The following COL23A1 variants were observed in gnomAD, a reference collection of about 807,000 sequenced individuals.
COL23A1 encodes collagen type XXIII alpha 1 chain.
COL23A1 carries 97 observed loss-of-function variants against 99.3 expected under a neutral mutation model. That is an observed-to-expected ratio of 0.98 (90% confidence interval 0.83 to 1.16). The LOEUF is 1.16. COL23A1 is among the 50% of genes most tolerant of loss of function. The pLI is 0.00. For missense variants in COL23A1, 762 were observed against 757.4 expected (o/e 1.01, Z -0.07); for synonymous variants, 320 against 308.2 (o/e 1.04, Z -0.40).
intron 24 of COL23A1, 77 bp from the exon 25 acceptor site, chr5:178,246,045 G>T (rs1474254412): frequency 1.3e-6 from 2 of 1,546,192 alleles, no homozygotes; most frequent in Non-Finnish European, 1.8e-6. Context: ...GTCCAGCCCT[G>T]TGGGTTGGCC....
At chr5:178,388,932 T>C (rs561110391) in intron 2 of COL23A1, among the ~76,000 whole-genome samples, 10 of 152,318 alleles carry the variant, frequency 6.6e-5, no homozygotes, top group Admixed American at 6.5e-4. Flanking sequence ...TACGATAAGA[T>C]TTCCCAAACT....
intron 5 of COL23A1, among the ~76,000 whole-genome samples, chr5:178,274,582 G>A (rs1247338671): frequency 1.3e-5 from 2 of 151,820 alleles, no homozygotes; most frequent in Non-Finnish European, 2.9e-5. Context: ...GGGTGTGGGG[G>A]GGGTCTCCCC....
chr5:178,318,926 C>A (rs1378009651), intron 2 of COL23A1, among the ~76,000 whole-genome samples: 2 of 148,340 alleles, frequency 1.3e-5, no homozygotes, highest in Non-Finnish European at 1.5e-5. Flanking sequence ...AGGAAAGGGG[C>A]TCTCAAGGGT....
At chr5:178,547,833 C>A (rs1000248297) in intron 2 of COL23A1, among the ~76,000 whole-genome samples, 1 of 24,194 alleles carries the variant, frequency 4.1e-5, no homozygotes, top group East Asian at 1.5e-3. Flanking sequence ...ACCTACACAC[C>A]CCCACACCCA....
intron 2 of COL23A1, among the ~76,000 whole-genome samples, chr5:178,436,726 G>A (rs972619157): frequency 3.9e-5 from 6 of 152,096 alleles, no homozygotes; most frequent in South Asian, 2.1e-4. Context: ...CTCATTACCC[G>A]TCCAGGCCAC....
chr5:178,305,247 G>T (rs950359155), intron 3 of COL23A1, among the ~76,000 whole-genome samples: 13 of 152,280 alleles, frequency 8.5e-5, no homozygotes, highest in African/African-American at 3.1e-4. Flanking sequence ...GAAATGAAGG[G>T]TGCTTCTTGC....
At chr5:178,475,100 G>A (rs1043032705) in intron 2 of COL23A1, among the ~76,000 whole-genome samples, 1 of 152,092 alleles carries the variant, frequency 6.6e-6, no homozygotes, top group Non-Finnish European at 1.5e-5. Context: ...AATTTCCCTT[G>A]TGTTAAATGG....
At chr5:178,394,497 T>C (rs1051169014) in intron 2 of COL23A1, among the ~76,000 whole-genome samples, 22 of 152,232 alleles carry the variant, frequency 1.4e-4, no homozygotes, top group African/African-American at 5.3e-4. Flanking sequence ...GTACTTTTCC[T>C]GCTCCAAGAA....
chr5:178,553,533 A>G (rs936779517), intron 2 of COL23A1, among the ~76,000 whole-genome samples: 13 of 152,350 alleles, frequency 8.5e-5, no homozygotes, highest in Admixed American at 2.6e-4. Flanking sequence ...TCTCTGCAAT[A>G]TTCTGCAAGG....
intron 2 of COL23A1, among the ~76,000 whole-genome samples, chr5:178,513,753 G>C (rs1723184904): frequency 6.6e-6 from 1 of 152,138 alleles, no homozygotes; most frequent in Non-Finnish European, 1.5e-5. Context: ...CCAGCTCCTA[G>C]AGGCCACTGC....
At chr5:178,577,517 G>C (rs1031572567) in intron 1 of COL23A1, among the ~76,000 whole-genome samples, 1 of 152,192 alleles carries the variant, frequency 6.6e-6, no homozygotes, top group East Asian at 1.9e-4. Flanking sequence ...GACAGGACCC[G>C]GGGAATCCGC....
At chr5:178,571,228 G>A (rs189230429) in intron 1 of COL23A1, among the ~76,000 whole-genome samples, 319 of 152,278 alleles carry the variant, frequency 2.1e-3, no homozygotes, top group African/African-American at 5.8e-3. Flanking sequence ...CGGGCATAGT[G>A]GCAGGTGCCT....
At chr5:178,347,225 G>C (rs1761023802) in intron 2 of COL23A1, among the ~76,000 whole-genome samples, 1 of 152,210 alleles carries the variant, frequency 6.6e-6, no homozygotes. Flanking sequence ...CCTGAAATAT[G>C]ACCAGTGTGA....
At chr5:178,533,053 G>A (rs1760736837) in intron 2 of COL23A1, among the ~76,000 whole-genome samples, 1 of 152,144 alleles carries the variant, frequency 6.6e-6, no homozygotes, top group African/African-American at 2.4e-5. Flanking sequence ...CCCTCTGAGA[G>A]TCACTTTCCC....
chr5:178,536,267 A>G (rs1760954030), intron 2 of COL23A1, among the ~76,000 whole-genome samples: 1 of 152,196 alleles, frequency 6.6e-6, no homozygotes, highest in Non-Finnish European at 1.5e-5. Context: ...TCCTCACGGG[A>G]GAACCACGAA....
At chr5:178,572,765 G>T (rs1319279363) in intron 1 of COL23A1, among the ~76,000 whole-genome samples, 1 of 152,182 alleles carries the variant, frequency 6.6e-6, no homozygotes, top group South Asian at 2.1e-4. Flanking sequence ...ACAAAAACTG[G>T]AAACAATCCA....
At chr5:178,555,383 C>T (rs759850347) in intron 2 of COL23A1, among the ~76,000 whole-genome samples, 1 of 152,132 alleles carries the variant, frequency 6.6e-6, no homozygotes, top group Non-Finnish European at 1.5e-5. Context: ...GCTGTATCTG[C>T]TGGGGTTGCT....
At chr5:178,420,953 C>T (rs905141131) in intron 2 of COL23A1, among the ~76,000 whole-genome samples, 3 of 151,800 alleles carry the variant, frequency 2.0e-5, no homozygotes, top group African/African-American at 4.8e-5. Flanking sequence ...AGAATGTCTC[C>T]CTCCCTGGCG....
At chr5:178,380,017 G>C (rs1763293376) in intron 2 of COL23A1, among the ~76,000 whole-genome samples, 1 of 152,200 alleles carries the variant, frequency 6.6e-6, no homozygotes, top group South Asian at 2.1e-4. Context: ...CTGGAACCAG[G>C]CTCCACAGAC....
Sources: allele counts gnomAD v4.1 joint callset (sites outside exome capture counted in the v4.1 genomes callset), GRCh38; gene constraint gnomAD v4.1.1; transcripts MANE v1.5; gene names NCBI Gene and HGNC (gene_info 2026-07-23, HGNC 2026-07-21).